Variants in CGGBP1 observed in about 807,000 individuals in gnomAD.
CGGBP1 encodes the protein CGG triplet repeat-binding protein 1.
A neutral mutation model predicts 11.4 loss-of-function variants in CGGBP1; 4 were observed. That is an observed-to-expected ratio of 0.35 (90% CI 0.17 to 0.80). The LOEUF (loss-of-function observed/expected upper bound fraction) is 0.80. CGGBP1 is among the 30% of genes least tolerant of loss of function. CGGBP1 has a pLI of 0.52. For missense variants in CGGBP1, 135 were observed against 202.1 expected (o/e 0.67, Z 2.01); for synonymous variants, 76 against 74.1 (o/e 1.03, Z -0.13).
At chr3:88,099,790 G>A (rs562894892) in intron 2 of CGGBP1, among the ~76,000 whole-genome samples, 2 of 152,204 alleles carry the variant, frequency 1.3e-5, no homozygotes, top group South Asian at 4.2e-4. Flanking sequence ...GCTGAAAATG[G>A]GTCCCTTCCT....
chr3:88,102,458 A>G (rs1171608847), intron 2 of CGGBP1, among the ~76,000 whole-genome samples: 1 of 152,106 alleles, frequency 6.6e-6, no homozygotes, highest in Non-Finnish European at 1.5e-5. Context: ...CATACAGTGT[A>G]TTTTTCATTT....
chr3:88,141,086 A>G (rs1186275445), intron 1 of CGGBP1: 1 of 1,534,022 alleles, frequency 6.5e-7, no homozygotes, highest in South Asian at 1.3e-5. Flanking sequence ...TATCTGTAGA[A>G]AGAGAAAATG....
chr3:88,134,973 A>G (rs1003809885), intron 2 of CGGBP1: 1 of 933,104 alleles, frequency 1.1e-6, no homozygotes. Flanking sequence ...CATCCCAGCC[A>G]GGGCACTATA....
At chr3:88,086,382 T>C (rs2107662160) in intron 2 of CGGBP1, 4 of 1,533,322 alleles carry the variant, frequency 2.6e-6, no homozygotes, top group African/African-American at 1.4e-5. Flanking sequence ...ATGTACAATA[T>C]GTTTTGAGTA....
chr3:88,076,579 GT>G (rs1559693867), intron 2 of CGGBP1, among the ~76,000 whole-genome samples: 7 of 151,614 alleles, frequency 4.6e-5, no homozygotes, highest in Non-Finnish European at 7.4e-5. Flanking sequence ...GTTTTGTTTT[GT>G]TTTGTTTTGT....
chr3:88,121,695 T>C (rs1705777574), intron 2 of CGGBP1, among the ~76,000 whole-genome samples: 1 of 152,214 alleles, frequency 6.6e-6, no homozygotes. Flanking sequence ...TAATAAGATT[T>C]ATGATTATTC....
chr3:88,102,174 G>A (rs991575130), intron 2 of CGGBP1, among the ~76,000 whole-genome samples: 28 of 152,158 alleles, frequency 1.8e-4, no homozygotes, highest in African/African-American at 6.7e-4. Context: ...GTTTTGTGTA[G>A]TTTTCTTCGT....
chr3:88,132,091 A>T (rs1706499917), intron 2 of CGGBP1, among the ~76,000 whole-genome samples: 1 of 152,122 alleles, frequency 6.6e-6, no homozygotes, highest in South Asian at 2.1e-4. Context: ...TTAACCCAAC[A>T]AGCTTATGGA....
At position 88,144,829 on chromosome 3, in the gene CGGBP1, A is replaced by G. The variant is rs561098937; in HGVS notation, c.-337-3751T>C. Among the ~76,000 whole-genome samples the G allele has an allele frequency of 2.3e-4, 35 of 152,186 alleles. 1 individual carries two copies. The South Asian group carries it at 7.0e-3, about 31-fold the overall frequency. The stretch of plus-strand genomic sequence containing the variant: ...TTTTAAACATAATATAGAAAATAGA[A>G]GTATCTAAAATTTTACACAAAATAG... On this transcript the variant is annotated intron_variant, in intron 1 of 3. Transcript: ENST00000462901.
intron 2 of CGGBP1, chr3:88,139,732 A>G (rs1426109943): frequency 3.2e-6 from 5 of 1,558,014 alleles, no homozygotes; most frequent in East Asian, 2.4e-5. Context: ...TCTTTAAATA[A>G]TGTTTTCAAG....
chr3:88,120,074 TA>T (rs57135246), intron 2 of CGGBP1, among the ~76,000 whole-genome samples: 1,617 of 151,250 alleles, frequency 0.011, 26 homozygotes, highest in African/African-American at 0.036. Flanking sequence ...TCTACTTATT[TA>T]AAAAAAAATC....
At chr3:88,091,325 A>G (rs1451253183) in intron 2 of CGGBP1, among the ~76,000 whole-genome samples, 1 of 152,200 alleles carries the variant, frequency 6.6e-6, no homozygotes, top group Non-Finnish European at 1.5e-5. Context: ...TCACACTACA[A>G]GGAAAATGTT....
At chr3:88,076,328 T>C (rs1311631292) in intron 2 of CGGBP1, among the ~76,000 whole-genome samples, 1 of 152,236 alleles carries the variant, frequency 6.6e-6, no homozygotes, top group Non-Finnish European at 1.5e-5. Context: ...TAGGTACTTT[T>C]GTAACCAGTC....
intron 2 of CGGBP1, among the ~76,000 whole-genome samples, chr3:88,074,469 G>A (rs1707690652): frequency 1.3e-5 from 2 of 151,456 alleles, no homozygotes; most frequent in Non-Finnish European, 2.9e-5. Flanking sequence ...AGCCTCCCAA[G>A]TAGCTGGGAT....
At chr3:88,129,067 C>CA (rs1230811728) in intron 2 of CGGBP1, 37,081 of 981,252 alleles carry the variant, frequency 0.038, 4 homozygotes, top group South Asian at 0.051. Context: ...AAAAAAAAAC[C>CA]AAAAAAAAAA....
At chr3:88,103,612 A>G (rs1031955111) in intron 2 of CGGBP1, among the ~76,000 whole-genome samples, 4 of 152,214 alleles carry the variant, frequency 2.6e-5, no homozygotes, top group African/African-American at 9.6e-5. Flanking sequence ...TACAGAAACT[A>G]GAACACAAGT....
intron 2 of CGGBP1, among the ~76,000 whole-genome samples, chr3:88,106,080 G>A (rs573241303): frequency 3.9e-5 from 6 of 152,128 alleles, no homozygotes; most frequent in Non-Finnish European, 7.4e-5. Context: ...ACCTGTTGGC[G>A]CTCTGATGAG....
intron 2 of CGGBP1, among the ~76,000 whole-genome samples, chr3:88,102,944 A>G (rs1334622644): frequency 6.6e-6 from 1 of 150,896 alleles, no homozygotes; most frequent in Non-Finnish European, 1.5e-5. Flanking sequence ...CCCAGGTGGT[A>G]AGCATACTAA....
At chr3:88,100,480 C>G (rs1704345684) in intron 2 of CGGBP1, among the ~76,000 whole-genome samples, 1 of 152,102 alleles carries the variant, frequency 6.6e-6, no homozygotes, top group Admixed American at 6.5e-5. Flanking sequence ...TGGGTATATA[C>G]CCAGAGGATT....
Sources: allele counts gnomAD v4.1 joint callset (sites outside exome capture counted in the v4.1 genomes callset), GRCh38; gene constraint gnomAD v4.1.1; transcripts MANE v1.5; gene names NCBI Gene and HGNC (gene_info 2026-07-23, HGNC 2026-07-21).